The following CASK variants were observed in gnomAD, a reference collection of about 807,000 sequenced individuals.
CASK encodes peripheral plasma membrane protein CASK.
Under a neutral mutation model 82.9 loss-of-function variants are expected in CASK, and 4 were observed. That is an observed-to-expected ratio of 0.05 (90% CI 0.02 to 0.11). CASK has a LOEUF of 0.11. Among genes scored for constraint, CASK ranks in the 10% least tolerant of loss-of-function variants. The probability of loss-of-function intolerance (pLI) is 1.00; values close to 1 mark genes in which losing one functional copy is unlikely to be tolerated. For missense variants in CASK, 358 were observed against 720.9 expected (o/e 0.50, Z 5.76); for synonymous variants, 259 against 253.5 (o/e 1.02, Z -0.20).
At chrX:41,627,720 G>A (rs1396950578) in intron 9 of CASK, among the ~76,000 whole-genome samples, 4 of 112,498 alleles carry the variant, frequency 3.6e-5, no homozygotes, top group African/African-American at 6.5e-5. Context: ...ATATGAAAAC[G>A]GGCTGGACGC....
At chrX:41,640,040 A>C (rs139925266) in intron 8 of CASK, among the ~76,000 whole-genome samples, 1 of 111,531 alleles carries the variant, frequency 9.0e-6, no homozygotes, top group East Asian at 2.8e-4. Flanking sequence ...ATGAATATTA[A>C]TGTCTTTGTA....
intron 15 of CASK, among the ~76,000 whole-genome samples, chrX:41,573,684 C>T (rs746260160): frequency 3.4e-4 from 38 of 111,852 alleles, no homozygotes; most frequent in African/African-American, 1.0e-3. Context: ...TATTATAGGT[C>T]ACACTTTCTG....
At chrX:41,747,566 G>C (rs2068710712) in intron 3 of CASK, among the ~76,000 whole-genome samples, 2 of 111,444 alleles carry the variant, frequency 1.8e-5, no homozygotes, top group African/African-American at 6.5e-5. Flanking sequence ...AGCCTCCCAA[G>C]TAGCTGGCAC....
chrX:41,818,085 C>T (rs917993292), intron 2 of CASK, among the ~76,000 whole-genome samples: 1 of 108,024 alleles, frequency 9.3e-6, no homozygotes, highest in Non-Finnish European at 1.9e-5. Context: ...AACATAGTGC[C>T]ATGCAAGGTG....
chrX:41,744,178 C>CTATG (rs2147731879), intron 4 of CASK, among the ~76,000 whole-genome samples: 1 of 109,634 alleles, frequency 9.1e-6, no homozygotes, highest in East Asian at 2.9e-4. Context: ...CTTCAACATA[C>CTATG]TATGGCTGGT....
chrX:41,727,643 G>T (rs2068287113), intron 5 of CASK: 1 of 1,209,565 alleles, frequency 8.3e-7, no homozygotes, highest in Non-Finnish European at 1.1e-6. Context: ...GGTCTCATTG[G>T]AACCACATTT....
chrX:41,527,272 T>TAG (rs917364849), intron 25 of CASK, among the ~76,000 whole-genome samples: 1 of 105,812 alleles, frequency 9.5e-6, no homozygotes, highest in South Asian at 4.1e-4. Flanking sequence ...TGTGTGTGTG[T>TAG]AGAGAGAGAG....
intron 1 of CASK, among the ~76,000 whole-genome samples, chrX:41,889,665 C>A (rs1003174605): frequency 6.2e-5 from 7 of 112,132 alleles, no homozygotes; most frequent in Non-Finnish European, 9.4e-5. Context: ...CCAGCATAAA[C>A]ACCACTGTAT....
chrX:41,840,476 T>C (rs1256969960), intron 2 of CASK, among the ~76,000 whole-genome samples: 1 of 112,331 alleles, frequency 8.9e-6, no homozygotes, highest in Admixed American at 9.4e-5. Context: ...TTTGTTGTTG[T>C]TGTTGATTCT....
Position 41,517,649 on chromosome X carries a change from C to T in CASK, c.*2771G>A, listed in dbSNP as rs1175678637. Reference sequence around the variant, plus strand: ...CACTAATAAGATTTAGTACTCTAAACATTCATTCTGGTCTTTAAAAGAAAG... The same window carrying T: ...CACTAATAAGATTTAGTACTCTAAATATTCATTCTGGTCTTTAAAAGAAAG... On this transcript the variant is annotated 3_prime_UTR_variant, in exon 27 of 27. Transcript: ENST00000378163. 2.3e-6 allele frequency: 1 copy of T among 432,416 alleles called. No individual in the cohort carries two copies. Among genetic ancestry groups the T allele is most frequent in the African/African-American group, 2.5e-5 (1 of 39,329 alleles). 35.6% of individuals were successfully genotyped at this position (432,416 alleles called of 1,213,427 possible).
At chrX:41,718,658 A>T (rs1377913034) in intron 5 of CASK, among the ~76,000 whole-genome samples, 4 of 111,317 alleles carry the variant, frequency 3.6e-5, no homozygotes, top group Non-Finnish European at 3.8e-5. Context: ...TTTGTGTGTG[A>T]TTTTTTTTCT....
intron 2 of CASK, among the ~76,000 whole-genome samples, chrX:41,813,186 A>G (rs1003637711): frequency 1.8e-5 from 2 of 111,526 alleles, no homozygotes; most frequent in African/African-American, 3.3e-5. Flanking sequence ...TTATAGATTC[A>G]ATGGCATCCC....
chrX:41,864,482 G>A (rs1323163945), intron 1 of CASK, among the ~76,000 whole-genome samples: 5 of 111,496 alleles, frequency 4.5e-5, no homozygotes, highest in African/African-American at 1.3e-4. Flanking sequence ...ACTCCACCCC[G>A]TTGCCCATGT....
intron 2 of CASK, among the ~76,000 whole-genome samples, chrX:41,789,489 G>T (rs1475608780): frequency 9.0e-6 from 1 of 111,238 alleles, no homozygotes; most frequent in African/African-American, 3.3e-5. Context: ...AAAGTAGTTA[G>T]GAAGGCCCCG....
chrX:41,901,242 G>A (rs183604146), intron 1 of CASK, among the ~76,000 whole-genome samples: 74 of 111,766 alleles, frequency 6.6e-4, no homozygotes, highest in African/African-American at 2.3e-3. Flanking sequence ...CAGCACTTCA[G>A]AGGCCAAGGC....
At chrX:41,580,703 G>A (rs918511158) in intron 14 of CASK, among the ~76,000 whole-genome samples, 1 of 111,295 alleles carries the variant, frequency 9.0e-6, no homozygotes, top group Non-Finnish European at 1.9e-5. Context: ...GAAAAAGGGG[G>A]CCACTTACAG....
chrX:41,638,665 G>A (rs1300306900), intron 8 of CASK, among the ~76,000 whole-genome samples: 1 of 111,504 alleles, frequency 9.0e-6, no homozygotes, highest in African/African-American at 3.3e-5. Flanking sequence ...GCCCAATGGA[G>A]GGAGTATGTT....
intron 2 of CASK, among the ~76,000 whole-genome samples, chrX:41,796,324 A>G (rs1169171614): frequency 8.9e-6 from 1 of 112,800 alleles, no homozygotes; most frequent in East Asian, 2.8e-4. Context: ...AAAGTATGTG[A>G]GAGTGCACAT....
chrX:41,548,097 T>A (rs1286140784), intron 21 of CASK, among the ~76,000 whole-genome samples: 1 of 112,203 alleles, frequency 8.9e-6, no homozygotes, highest in East Asian at 2.8e-4. Context: ...TAAGTTCCCC[T>A]CAATTCATAG....
Sources: gnomAD v4.1 joint callset for allele counts (sites outside exome capture counted in the v4.1 genomes callset) on GRCh38, gnomAD v4.1.1 for gene constraint, MANE v1.5 for transcripts, NCBI Gene and HGNC (gene_info 2026-07-23, HGNC 2026-07-21) for gene names.